The following PRDM4 variants were observed in gnomAD, a reference collection of about 807,000 sequenced individuals.
PRDM4 encodes PR/SET domain 4.
PRDM4 carries 38 observed loss-of-function variants against 62.3 expected under a neutral mutation model. The ratio of observed to expected loss-of-function variants is 0.61; its 90% CI spans 0.47 to 0.80. The LOEUF is 0.80. Ranked by LOEUF, PRDM4 falls within the 30% of genes least tolerant of loss-of-function variation. The probability of loss-of-function intolerance (pLI) is 0.00; values close to 1 mark genes in which losing one functional copy is unlikely to be tolerated. For synonymous variants in PRDM4, 339 were observed against 348.2 expected (o/e 0.97, Z 0.30); for missense variants, 858 against 997.1 (o/e 0.86, Z 1.88).
At chr12:107,742,199 T>C (rs1162381543) in intron 9 of PRDM4, 22 bp downstream of exon 9, 3 of 1,605,664 alleles carry the variant, frequency 1.9e-6, no homozygotes, top group African/African-American at 1.3e-5. Flanking sequence ...GCCAGATTCA[T>C]TATAAACACA....
At position 107,761,063 on chromosome 12, in the gene PRDM4, G is replaced by T. The variant is rs1190049111; in HGVS notation, c.-363C>A. 1 of 151,522 alleles carries T rather than the reference G, an allele frequency of 6.6e-6. No individual in the cohort carries two copies. The highest frequency in any genetic ancestry group is 1.5e-5 in the Non-Finnish European group (1 of 67,972). The allele number at this position is 151,522 out of a possible 1,614,324, so 9.4% of individuals were successfully genotyped here. A position where few individuals can be genotyped will look rare whatever the true frequency, so the allele number is the denominator to read the frequency against. On this transcript the variant is annotated 5_prime_UTR_variant, in exon 1 of 12. Transcript: ENST00000228437. ...CGTCCGCTCGGCCCCCTCACCCCGG[G>T]GGCCGCTGCCCTAACGTTTCCCGTC...
intron 5 of PRDM4, among the ~76,000 whole-genome samples, chr12:107,748,814 G>A (rs568355231): frequency 1.3e-5 from 2 of 152,228 alleles, no homozygotes; most frequent in East Asian, 3.9e-4. Context: ...CGTTTAAAAT[G>A]TATACATAAA....
At chr12:107,736,262 C>T (rs1890326137) in intron 11 of PRDM4, among the ~76,000 whole-genome samples, 1 of 152,184 alleles carries the variant, frequency 6.6e-6, no homozygotes, top group South Asian at 2.1e-4. Flanking sequence ...AACGTGGTAT[C>T]ATATAGCAAT....
intron 5 of PRDM4, among the ~76,000 whole-genome samples, chr12:107,747,509 C>T (rs1213491280): frequency 1.3e-5 from 2 of 152,166 alleles, no homozygotes; most frequent in African/African-American, 4.8e-5. Context: ...TTCTTGCAGA[C>T]ATTATTTGCT....
At chr12:107,758,238 C>CTTTTTATTTTTTT (rs1891122059) in intron 2 of PRDM4, 1 of 101,896 alleles carries the variant, frequency 9.8e-6, no homozygotes, top group Non-Finnish European at 1.8e-5. Flanking sequence ...TCTTAATCTT[C>CTTTTTATTTTTTT]TTTTTTTTTT....
chr12:107,741,201 T>C lies in PRDM4; in HGVS notation c.1669A>G (p.Thr557Ala). 1 of 1,614,166 alleles carries C rather than the reference T, an allele frequency of 6.2e-7. No individual in the cohort carries two copies. Residue 557 changes from threonine (T) to alanine (A), a missense_variant, in exon 10 of 12, where the codon ACA (threonine) becomes GCA (alanine). Transcript: ENST00000228437. ...CNCGKECNSY[T>A]EFKAHLTSHI... ...CTGGTCAGATGGGCTTTGAACTCTG[T>C]GTAAGAATTGCACTCCTTGCCACAG...
intron 5 of PRDM4, among the ~76,000 whole-genome samples, chr12:107,746,979 G>A (rs1401869175): frequency 6.6e-6 from 1 of 151,816 alleles, no homozygotes; most frequent in East Asian, 1.9e-4. Flanking sequence ...CAGTGCATAA[G>A]AGAAACACTA....
rs563832125 is a variant in PRDM4 at position 107,733,243 on chromosome 12, C to T, written c.*967G>A. On this transcript the variant is annotated 3_prime_UTR_variant, in exon 12 of 12. Coordinates refer to ENST00000228437, the MANE Select transcript of PRDM4 (RefSeq NM_012406.4). ...CACTGAGACAACTGGGAAGACCTAA[C>T]TTTGCACATGCATTAAATAATGTTA... The T allele has an allele frequency of 8.5e-5, 13 of 152,382 alleles. No homozygotes were observed. Among genetic ancestry groups the T allele is most frequent in the African/African-American group, 2.9e-4 (12 of 41,594 alleles). The allele number at this position is 152,382 out of a possible 1,614,324, so 9.4% of individuals were successfully genotyped here.
intron 2 of PRDM4, 114 bp downstream of exon 2, chr12:107,760,391 A>G (rs1891202411): frequency 7.3e-7 from 1 of 1,366,632 alleles, no homozygotes; most frequent in African/African-American, 1.5e-5. Flanking sequence ...TTCCTTTGCA[A>G]ATCACACCTG....
chr12:107,743,189 A>C lies in PRDM4; in HGVS notation c.1481+8T>G. ...TAACTATTTTTTCTCATCCAAGACTACTCATACCTGGCTTTGCGCACAAAC... is the reference window on the plus strand; with the variant it reads ...TAACTATTTTTTCTCATCCAAGACTCCTCATACCTGGCTTTGCGCACAAAC... On this transcript the variant is annotated splice_region_variant and intron_variant, in intron 8 of 11. Coordinates refer to ENST00000228437, the MANE Select transcript of PRDM4 (RefSeq NM_012406.4). 5 of 1,591,854 alleles carry C rather than the reference A, an allele frequency of 3.1e-6. No homozygotes were observed. The highest frequency in any genetic ancestry group is 4.3e-6 in the Non-Finnish European group (5 of 1,159,840).
chr12:107,751,345 G>T, intron 5 of PRDM4, 70 bp downstream of exon 5: 1 of 1,459,496 alleles, frequency 6.9e-7, no homozygotes, highest in South Asian at 1.3e-5. Context: ...CAAACTTTAC[G>T]ACTTAACTTG....
intron 5 of PRDM4, 76 bp downstream of exon 5, chr12:107,751,339 C>T: frequency 1.4e-6 from 2 of 1,445,404 alleles, no homozygotes; most frequent in Non-Finnish European, 1.9e-6. Flanking sequence ...TAATGCCAAA[C>T]TTTACGACTT....
At position 107,734,150 on chromosome 12, in the gene PRDM4, A is replaced by C; in HGVS notation, c.*60T>G. The C allele has an allele frequency of 6.7e-7, 1 of 1,485,630 alleles. No homozygotes were observed. Among genetic ancestry groups the C allele is most frequent in the Non-Finnish European group, 9.1e-7 (1 of 1,102,310 alleles). 92.0% of individuals were successfully genotyped at this position (1,485,630 alleles called of 1,614,324 possible). ...TATATAAAAACCATTATAGTAGATA[A>C]CTGGTTATGTGTATTTTTCCATTTG... On this transcript the variant is annotated 3_prime_UTR_variant, in exon 12 of 12. Transcript: ENST00000228437.
chr12:107,740,264 A>G (rs1890474376), intron 10 of PRDM4, among the ~76,000 whole-genome samples: 1 of 152,170 alleles, frequency 6.6e-6, no homozygotes, highest in South Asian at 2.1e-4. Flanking sequence ...AGGTAAGCAG[A>G]CTGTTTGAGC....
intron 11 of PRDM4, chr12:107,737,937 G>GA (rs763217617): frequency 1.3e-5 from 2 of 152,236 alleles, no homozygotes; most frequent in African/African-American, 2.4e-5. Context: ...AGGTCATGAG[G>GA]ATGGGGCTTC....
At chr12:107,746,520 C>G (rs576540622) in intron 5 of PRDM4, 96 bp from the exon 6 acceptor site, 40 of 1,226,160 alleles carry the variant, frequency 3.3e-5, no homozygotes, top group Non-Finnish European at 4.3e-5. Flanking sequence ...AAGTCTTGCT[C>G]TGCACCCAGG....
In PRDM4 at chr12:107,751,391, AAAAG is replaced by A; in HGVS notation, c.1126+20_1126+23del. The A allele has an allele frequency of 1.3e-6, 2 of 1,574,638 alleles. No individual in the cohort carries two copies. Among genetic ancestry groups the A allele is most frequent in the Non-Finnish European group, 1.7e-6 (2 of 1,153,956 alleles). On this transcript the variant is annotated intron_variant, in intron 5 of 11. Coordinates refer to ENST00000228437, the MANE Select transcript of PRDM4 (RefSeq NM_012406.4). ...TGGCCCTTTTTACAAATATTTCCAAAAAAGAAAGGCTAAACACACTCACAAATTG... is the reference window on the plus strand; with the variant it reads ...TGGCCCTTTTTACAAATATTTCCAAAAAAGGCTAAACACACTCACAAATTG...
chr12:107,735,190 G>T (rs1890289869), intron 11 of PRDM4, among the ~76,000 whole-genome samples: 1 of 152,050 alleles, frequency 6.6e-6, no homozygotes, highest in Non-Finnish European at 1.5e-5. Context: ...TACTTGTATG[G>T]TGCTCTGCAA....
At chr12:107,759,071 C>T (rs1002104531) in intron 2 of PRDM4, among the ~76,000 whole-genome samples, 1 of 152,140 alleles carries the variant, frequency 6.6e-6, no homozygotes, top group African/African-American at 2.4e-5. Context: ...GACTTGGAGA[C>T]GTCCCTAGGC....
Sources: allele counts gnomAD v4.1 joint callset (sites outside exome capture counted in the v4.1 genomes callset), GRCh38; gene constraint gnomAD v4.1.1; transcripts MANE v1.5; gene names NCBI Gene and HGNC (gene_info 2026-07-23, HGNC 2026-07-21).